Variants in PUDP observed in about 807,000 individuals in gnomAD.
The protein encoded by PUDP is pseudouridine-5'-phosphatase.
PUDP carries 8 observed loss-of-function variants against 9.4 expected under a neutral mutation model. The observed-to-expected ratio is 0.85, with a 90% CI of 0.50 to 1.53. The LOEUF is 1.53. Among genes scored for constraint, PUDP ranks in the 40% most tolerant of loss-of-function variants. The pLI is 0.00. For synonymous variants in PUDP, 99 were observed against 80.7 expected, an observed-to-expected ratio of 1.23 and a Z score of -1.22; for missense variants, 188 against 189.7, an observed-to-expected ratio of 0.99 and a Z score of 0.05.
At chrX:6,950,164 C>G (rs1352109384) in intron 3 of PUDP, among the ~76,000 whole-genome samples, 5 of 107,377 alleles carry the variant, frequency 4.7e-5, no homozygotes, top group African/African-American at 1.0e-4. Context: ...GTGGTGAAAC[C>G]CTGTCTCTAC....
intron 3 of PUDP, among the ~76,000 whole-genome samples, chrX:7,058,219 T>G (rs1412101751): frequency 8.9e-6 from 1 of 112,342 alleles, no homozygotes; most frequent in African/African-American, 3.2e-5. Context: ...CTGTTTTAAA[T>G]TATGTGCTTC....
chrX:7,111,287 A>C (rs1256724245), intron 1 of PUDP, among the ~76,000 whole-genome samples: 2 of 110,952 alleles, frequency 1.8e-5, no homozygotes, highest in Non-Finnish European at 3.8e-5. Context: ...ACAGAGTAAC[A>C]TTAATACACA....
intron 3 of PUDP, among the ~76,000 whole-genome samples, chrX:6,897,235 C>T (rs1340987590): frequency 9.0e-6 from 1 of 111,493 alleles, no homozygotes; most frequent in Admixed American, 9.5e-5. Flanking sequence ...TTGTAGAAAA[C>T]CAATATTTCT....
intron 3 of PUDP, among the ~76,000 whole-genome samples, chrX:6,865,383 T>C (rs948034888): frequency 1.8e-5 from 2 of 112,333 alleles, no homozygotes; most frequent in Non-Finnish European, 1.9e-5. Context: ...TCTCTCTCAT[T>C]CAGAGACTTG....
intron 1 of PUDP, among the ~76,000 whole-genome samples, chrX:7,136,943 C>T (rs1932754150): frequency 8.9e-6 from 1 of 111,900 alleles, no homozygotes; most frequent in African/African-American, 3.2e-5. Flanking sequence ...GACAAATACA[C>T]CTCAGTCTGA....
At chrX:6,933,932 A>G (rs1056542065) in intron 3 of PUDP, among the ~76,000 whole-genome samples, 6 of 107,972 alleles carry the variant, frequency 5.6e-5, no homozygotes, top group Non-Finnish European at 7.7e-5. Flanking sequence ...AGTTTAGAGA[A>G]AAAACAATAA....
intron 3 of PUDP, among the ~76,000 whole-genome samples, chrX:6,799,218 T>G (rs1174343931): frequency 1.8e-5 from 2 of 112,475 alleles, no homozygotes; most frequent in Non-Finnish European, 3.7e-5. Context: ...AATTTTTTCT[T>G]TACTATGGCA....
chrX:6,870,686 TACA>T (rs992416584), intron 3 of PUDP, among the ~76,000 whole-genome samples: 3 of 112,780 alleles, frequency 2.7e-5, no homozygotes, highest in African/African-American at 9.7e-5. Flanking sequence ...ATGTGTATTT[TACA>T]ACAATTAAAA....
At chrX:7,023,793 G>A (rs1929667231) in intron 1 of PUDP, among the ~76,000 whole-genome samples, 1 of 111,620 alleles carries the variant, frequency 9.0e-6, no homozygotes, top group Non-Finnish European at 1.9e-5. Flanking sequence ...TTTCAACTTT[G>A]TTCTATTTTT....
intron 3 of PUDP, among the ~76,000 whole-genome samples, chrX:6,945,917 G>A (rs780900511): frequency 9.9e-5 from 11 of 111,164 alleles, no homozygotes; most frequent in Middle Eastern, 4.6e-3. Flanking sequence ...AGGCCACGAC[G>A]AGACGGGGTG....
intron 3 of PUDP, among the ~76,000 whole-genome samples, chrX:7,058,639 T>C (rs1930313673): frequency 8.9e-6 from 1 of 112,618 alleles, no homozygotes; most frequent in African/African-American, 3.2e-5. Context: ...CAGTGATCTG[T>C]AAATAAGTAC....
intron 3 of PUDP, among the ~76,000 whole-genome samples, chrX:6,736,140 GA>G (rs955955521): frequency 1.8e-5 from 2 of 108,156 alleles, no homozygotes; most frequent in African/African-American, 3.3e-5. Flanking sequence ...CTTCATTCAA[GA>G]AAAAAAAACA....
chrX:6,979,122 T>C (rs187216953), intron 1 of PUDP, among the ~76,000 whole-genome samples: 1 of 112,414 alleles, frequency 8.9e-6, no homozygotes, highest in Non-Finnish European at 1.9e-5. Flanking sequence ...GCATAAAATG[T>C]CATAATTTGT....
At chrX:6,916,226 A>C (rs1927928132) in intron 3 of PUDP, among the ~76,000 whole-genome samples, 1 of 104,277 alleles carries the variant, frequency 9.6e-6, no homozygotes, top group African/African-American at 3.6e-5. Flanking sequence ...ACACACACAC[A>C]CACACACACA....
At position 7,057,969 on chromosome X, in the gene PUDP, CTT is replaced by C. The variant is rs1930293731; in HGVS notation, c.511-7499_511-7498del. The stretch of plus-strand genomic sequence containing the variant: ...TCTCACTTCCCGGTGATGCTTCCAC[CTT>C]TGGCTCCTCCCTGCTGCAAATCCTG... On this transcript the variant is annotated intron_variant, in intron 3 of 3. Transcript: ENST00000381077. 6 of 445,662 alleles carry C rather than the reference CTT, an allele frequency of 1.3e-5. No homozygotes were observed. In the Admixed American group the frequency reaches 2.3e-4, roughly 17 times the overall value. 36.7% of individuals were successfully genotyped at this position (445,662 alleles called of 1,213,427 possible).
intron 2 of PUDP, among the ~76,000 whole-genome samples, chrX:7,089,932 G>A (rs1465637887): frequency 2.7e-5 from 3 of 111,766 alleles, no homozygotes; most frequent in Non-Finnish European, 5.6e-5. Flanking sequence ...TTGTAATGCA[G>A]GAAATCAGCC....
At chrX:6,900,575 G>GAGAGAGAGAGAGGGAT (rs765184346) in intron 3 of PUDP, among the ~76,000 whole-genome samples, 4 of 103,989 alleles carry the variant, frequency 3.8e-5, no homozygotes, top group East Asian at 3.1e-4. Context: ...GAGAGAGGGA[G>GAGAGAGAGAGAGGGAT]ACGGAGAGGG....
At chrX:7,024,489 A>T (rs1298878074) in intron 1 of PUDP, among the ~76,000 whole-genome samples, 1 of 110,521 alleles carries the variant, frequency 9.0e-6, no homozygotes, top group African/African-American at 3.3e-5. Context: ...TAGTTTGACA[A>T]TATTCAATAT....
intron 2 of PUDP, among the ~76,000 whole-genome samples, chrX:7,082,290 GGATGTGCA>G (rs1931119044): frequency 8.9e-6 from 1 of 112,349 alleles, no homozygotes; most frequent in South Asian, 3.7e-4. Context: ...GTGAGAACAG[GGATGTGCA>G]ATTAAACAGG....
Sources: gnomAD v4.1 joint callset for allele counts (sites outside exome capture counted in the v4.1 genomes callset) on GRCh38, gnomAD v4.1.1 for gene constraint, MANE v1.5 for transcripts, NCBI Gene and HGNC (gene_info 2026-07-23, HGNC 2026-07-21) for gene names.